The following NELFA variants were observed in gnomAD, a reference collection of about 807,000 sequenced individuals.
NELFA encodes negative elongation factor complex member A, also known as negative elongation factor A.
Under a neutral mutation model 51.8 loss-of-function variants are expected in NELFA, and 35 were observed. The observed-to-expected ratio is 0.68, with a 90% confidence interval of 0.52 to 0.90. The LOEUF is 0.90. Ranked by LOEUF, NELFA falls within the 40% of genes least tolerant of loss-of-function variation. The pLI is 0.00. For missense variants in NELFA, 658 were observed against 746.4 expected, an observed-to-expected ratio of 0.88 and a Z score of 1.38; for synonymous variants, 417 against 338.4, an observed-to-expected ratio of 1.23 and a Z score of -2.55.
rs768381853 is a variant in NELFA, at chr4:2,008,813, C to T, written c.147G>A (p.Ser49=). 6.2e-6 allele frequency: 10 copies of T among 1,612,542 alleles called. No homozygotes were observed. Among genetic ancestry groups the T allele is most frequent in the Admixed American group, 1.7e-5 (1 of 59,894 alleles). The change falls in exon 1 of 11, where the codon TCG becomes TCA. Residue 49 remains serine, a synonymous_variant. Coordinates refer to ENST00000382882, the MANE Select transcript of NELFA (RefSeq NM_005663.5). ...DNIRLCFHGL[S]SAVKLKLLLG... is the part of the protein sequence containing the mutation. ...GTAGCAACTTGAGCTTCACTGCCGA[C>T]GAGAGGCCATGGAAGCAGAGACGGA...
intron 1 of NELFA, among the ~76,000 whole-genome samples, chr4:2,005,585 G>T (rs750047113): frequency 6.6e-6 from 1 of 152,116 alleles, no homozygotes; most frequent in African/African-American, 2.4e-5. Flanking sequence ...CCAGTTACTC[G>T]GGAAGCTAAG....
chr4:1,990,153 C>G, intron 2 of NELFA: 1 of 481,668 alleles, frequency 2.1e-6, no homozygotes. Flanking sequence ...GACATAGATA[C>G]AGTGATTCCT....
intron 3 of NELFA, 107 bp from the exon 4 acceptor site, chr4:1,988,114 C>T (rs1728164905): frequency 1.9e-5 from 17 of 898,144 alleles, no homozygotes; most frequent in East Asian, 2.6e-5. Context: ...GAGCCGTGAA[C>T]GCTGCATTCT....
At chr4:1,994,975 T>G (rs1469550098) in intron 1 of NELFA, among the ~76,000 whole-genome samples, 1 of 152,252 alleles carries the variant, frequency 6.6e-6, no homozygotes, top group African/African-American at 2.4e-5. Flanking sequence ...TGTGTCAACT[T>G]GACTGGGCCA....
chr4:1,991,156 T>C (rs557990208), intron 2 of NELFA, among the ~76,000 whole-genome samples: 2 of 152,306 alleles, frequency 1.3e-5, no homozygotes, highest in East Asian at 3.9e-4. Flanking sequence ...ATCGTTGATA[T>C]TTTCAACATG....
rs941431082 is a variant in NELFA at position 1,998,117 on chromosome 4, A to G, written c.211-6402T>C. Among the ~76,000 whole-genome samples the G allele has an allele frequency of 2.6e-5, 4 of 152,140 alleles. No homozygotes were observed. The South Asian group carries it at 8.3e-4, about 32-fold the overall frequency. ...AGCATCAACAACAACAACAACAACCACAACAAAAGCCCCCATCCAAGGGTC... is the reference window on the plus strand; with the variant it reads ...AGCATCAACAACAACAACAACAACCGCAACAAAAGCCCCCATCCAAGGGTC... On this transcript the variant is annotated intron_variant, in intron 1 of 10. Coordinates refer to ENST00000382882, the MANE Select transcript of NELFA (RefSeq NM_005663.5).
At chr4:1,983,815 G>T in intron 9 of NELFA, 33 bp downstream of exon 9, 2 of 1,571,474 alleles carry the variant, frequency 1.3e-6, no homozygotes, top group South Asian at 2.4e-5. Flanking sequence ...CCACCTACCT[G>T]GTGGCCTGTG....
intron 7 of NELFA, 88 bp from the exon 8 acceptor site, chr4:1,985,007 A>G: frequency 5.2e-6 from 5 of 955,934 alleles, no homozygotes; most frequent in African/African-American, 1.6e-5. Context: ...CTCCACTGCC[A>G]CAGGCTGTGG....
intron 1 of NELFA, chr4:1,992,595 G>A (rs1164245255): frequency 4.4e-6 from 1 of 228,968 alleles, no homozygotes; most frequent in South Asian, 3.7e-5. Context: ...TCCAGACGCC[G>A]GGGCTGAAAC....
Position 1,991,945 on chromosome 4 carries a change from CCCTCCCAGCAGCCTCCCA to C in NELFA, c.211-248_211-231del. The C allele has an allele frequency of 1.1e-5, 5 of 470,124 alleles. No homozygotes were observed. In the South Asian group the frequency reaches 1.2e-4, roughly 11 times the overall value. The allele number at this position is 470,124 out of a possible 1,614,324, so 29.1% of individuals were successfully genotyped here. On this transcript the variant is annotated intron_variant, in intron 1 of 10. Coordinates refer to ENST00000382882, the MANE Select transcript of NELFA (RefSeq NM_005663.5). ...GGTTGCAAGGCCCCGGCATCCGGTG[CCCTCCCAGCAGCCTCCCA>C]CCTCCCAGCAGCACCCAGTCCACTG...
At chr4:1,985,137 G>GA (rs1453887434) in intron 7 of NELFA, among the ~76,000 whole-genome samples, 1 of 152,284 alleles carries the variant, frequency 6.6e-6, no homozygotes, top group East Asian at 1.9e-4. Context: ...CTGTGTAGGA[G>GA]AGGGGAGGGG....
intron 1 of NELFA, among the ~76,000 whole-genome samples, chr4:1,995,598 G>A (rs1383294713): frequency 1.3e-5 from 2 of 152,148 alleles, no homozygotes. Context: ...ACAATTTCTT[G>A]TAATACATAA....
chr4:1,987,878 C>T (rs1288550323), intron 4 of NELFA, 40 bp downstream of exon 4: 2 of 1,539,176 alleles, frequency 1.3e-6, no homozygotes, highest in South Asian at 2.4e-5. Context: ...TTAGCTCTGC[C>T]CCAAAAGCAA....
chr4:1,993,258 G>A (rs550483), intron 1 of NELFA, among the ~76,000 whole-genome samples: 14,513 of 152,278 alleles, frequency 0.095, 889 homozygotes, highest in East Asian at 0.2. Flanking sequence ...GTTGAAGCCT[G>A]GCTCGCTCTA....
intron 7 of NELFA, 36 bp from the exon 8 acceptor site, chr4:1,984,955 G>A (rs1728037532): frequency 1.4e-6 from 2 of 1,468,786 alleles, no homozygotes; most frequent in African/African-American, 2.8e-5. Context: ...TCCAGAAGAG[G>A]CCATGCTTCC....
chr4:1,987,283 G>A (rs968184282), intron 4 of NELFA, among the ~76,000 whole-genome samples: 26 of 152,316 alleles, frequency 1.7e-4, no homozygotes, highest in Non-Finnish European at 3.1e-4. Context: ...GACGACACCC[G>A]TCCTGCCCTC....
intron 1 of NELFA, among the ~76,000 whole-genome samples, chr4:2,002,135 G>A (rs532127759): frequency 2.0e-5 from 3 of 152,042 alleles, no homozygotes; most frequent in African/African-American, 7.2e-5. Context: ...GGGAGGCGGA[G>A]CTTGCAATGA....
chr4:1,993,436 G>A (rs1168662656), intron 1 of NELFA, among the ~76,000 whole-genome samples: 2 of 152,002 alleles, frequency 1.3e-5, no homozygotes, highest in Non-Finnish European at 2.9e-5. Context: ...AAAATTAGCC[G>A]GGCGTGGTAG....
At chr4:2,006,189 G>A (rs1728705122) in intron 1 of NELFA, among the ~76,000 whole-genome samples, 1 of 152,230 alleles carries the variant, frequency 6.6e-6, no homozygotes, top group South Asian at 2.1e-4. Context: ...CACATCCACA[G>A]CAGAAGCTGC....
Sources: allele counts gnomAD v4.1 joint callset (sites outside exome capture counted in the v4.1 genomes callset), GRCh38; gene constraint gnomAD v4.1.1; transcripts MANE v1.5; gene names NCBI Gene and HGNC (gene_info 2026-07-23, HGNC 2026-07-21).